TOGARAM2: variants seen among roughly 807,000 people sequenced by gnomAD.
The protein encoded by TOGARAM2 is TOG array regulator of axonemal microtubules protein 2.
TOGARAM2 carries 85 observed loss-of-function variants against 93.3 expected under a neutral mutation model. The ratio of observed to expected loss-of-function variants is 0.91; its 90% CI spans 0.76 to 1.09. The LOEUF is 1.09. Ranked by LOEUF, TOGARAM2 falls within the 50% of genes least tolerant of loss-of-function variation. The pLI is 0.00. For missense variants in TOGARAM2, 1,277 were observed against 1,334.5 expected (o/e 0.96, Z 0.67); for synonymous variants, 593 against 552.8 (o/e 1.07, Z -1.02).
At chr2:29,011,645 C>T in intron 7 of TOGARAM2, 144 bp downstream of exon 7, 3 of 835,942 alleles carry the variant, frequency 3.6e-6, no homozygotes, top group Non-Finnish European at 5.2e-6. Context: ...GCTGAAGTCA[C>T]CGGAGGTCTA....
chr2:28,990,529 G>A (rs1023928045), intron 1 of TOGARAM2, among the ~76,000 whole-genome samples: 2 of 152,126 alleles, frequency 1.3e-5, no homozygotes, highest in African/African-American at 4.8e-5. Flanking sequence ...TCTCCTCCAC[G>A]CTTGCCTTAG....
At chr2:28,969,145 G>A (rs1040348459) in intron 1 of TOGARAM2, among the ~76,000 whole-genome samples, 3 of 152,238 alleles carry the variant, frequency 2.0e-5, no homozygotes, top group African/African-American at 7.2e-5. Context: ...CACCGTGATA[G>A]GCCGTGCAGA....
At chr2:28,960,457 A>C (rs1425454734) in intron 1 of TOGARAM2, among the ~76,000 whole-genome samples, 1 of 152,052 alleles carries the variant, frequency 6.6e-6, no homozygotes, top group African/African-American at 2.4e-5. Flanking sequence ...GTTAATATTC[A>C]GTTTCTTTTC....
At chr2:28,968,510 C>A (rs545896115) in intron 1 of TOGARAM2, among the ~76,000 whole-genome samples, 2 of 152,158 alleles carry the variant, frequency 1.3e-5, no homozygotes, top group South Asian at 4.1e-4. Flanking sequence ...GTCCTTTACA[C>A]CTTTGTCCTT....
At chr2:29,025,104 C>T (rs1196150478) in intron 13 of TOGARAM2, among the ~76,000 whole-genome samples, 6 of 152,192 alleles carry the variant, frequency 3.9e-5, no homozygotes, top group African/African-American at 1.4e-4. Context: ...CCCCAGGGGC[C>T]TGTTGGACCA....
In TOGARAM2 at chr2:29,001,734, C is replaced by T. The variant is rs533100092; in HGVS notation, c.428-802C>T. On this transcript the variant is annotated intron_variant, in intron 4 of 19. Coordinates refer to ENST00000379558, the MANE Select transcript of TOGARAM2 (RefSeq NM_199280.4). ...TCTTGAACTTCTGACCTCCAGTGAT[C>T]CTCCCGTTCTCGGCCTCCCAAAGTG... 1.1e-4 allele frequency among the ~76,000 whole-genome samples: 16 copies of T among 152,310 alleles called. No homozygotes were observed. The South Asian group carries it at 2.5e-3, about 24-fold the overall frequency.
intron 1 of TOGARAM2, among the ~76,000 whole-genome samples, chr2:28,975,103 A>T (rs1672006645): frequency 1.4e-5 from 2 of 147,586 alleles, no homozygotes; most frequent in Non-Finnish European, 3.0e-5. Flanking sequence ...CCTGTGACAG[A>T]TTATGTATTT....
chr2:28,990,961 A>G (rs1442276052), intron 1 of TOGARAM2, among the ~76,000 whole-genome samples: 3 of 137,798 alleles, frequency 2.2e-5, no homozygotes, highest in Non-Finnish European at 3.1e-5. Context: ...GTGTGGGTGT[A>G]TGGACATGCG....
chr2:29,025,627 C>G (rs1385994731), intron 13 of TOGARAM2, among the ~76,000 whole-genome samples: 2 of 152,136 alleles, frequency 1.3e-5, no homozygotes, highest in Non-Finnish European at 2.9e-5. Flanking sequence ...GGTCCATGGA[C>G]CATGCTGAGT....
At chr2:28,986,044 T>A (rs926630532) in intron 1 of TOGARAM2, among the ~76,000 whole-genome samples, 8 of 141,454 alleles carry the variant, frequency 5.7e-5, no homozygotes, top group African/African-American at 2.1e-4. Flanking sequence ...ACCTGGGAGG[T>A]GGAGGTTGCA....
chr2:28,999,743 T>G (rs1673188910), intron 4 of TOGARAM2, among the ~76,000 whole-genome samples: 1 of 152,264 alleles, frequency 6.6e-6, no homozygotes, highest in South Asian at 2.1e-4. Context: ...TAAGCAAATG[T>G]TCTTCCCATT....
chr2:28,973,653 G>C (rs1671985959), intron 1 of TOGARAM2, among the ~76,000 whole-genome samples: 1 of 151,724 alleles, frequency 6.6e-6, no homozygotes, highest in Non-Finnish European at 1.5e-5. Context: ...CTCCCAAGTA[G>C]CTGCGACCAA....
chr2:29,011,492 G>A lies in TOGARAM2; in HGVS notation c.868G>A (p.Ala290Thr), dbSNP rs1664245926. 2.5e-6 allele frequency: 4 copies of A among 1,605,900 alleles called. No homozygotes were observed. Among genetic ancestry groups the A allele is most frequent in the Non-Finnish European group, 3.4e-6 (4 of 1,177,074 alleles). ...GAGTGGGCCTCGGGAGAAGACCCCT[G>A]CATCTCTGGGTACGTATCTTCCATG... is the stretch of plus-strand genomic sequence containing the variant. Reference protein sequence around the residue: ...RGSGPREKTPASLEPKPLASP... With the variant: ...RGSGPREKTPTSLEPKPLASP... The change falls in exon 7 of 20, where the codon GCA (alanine) becomes ACA (threonine). Residue 290 changes from alanine to threonine, a missense_variant. Transcript: ENST00000379558.
Position 29,024,166 on chromosome 2 carries a change from C to T in TOGARAM2, c.1645C>T (p.His549Tyr). 1 of 1,590,378 alleles carries T rather than the reference C, an allele frequency of 6.3e-7. No individual in the cohort carries two copies. Among genetic ancestry groups the T allele is most frequent in the Non-Finnish European group, 8.6e-7 (1 of 1,168,134 alleles). ...EVTNLRSKVS[H>Y]LAISTLGDLF... is the part of the protein sequence containing the mutation. ...CACCAACCTGCGGTCCAAGGTGTCT[C>T]ACCTGGCCATCAGCACCTTGGGAGA... Residue 549 changes from histidine (H) to tyrosine (Y), a missense_variant, in exon 13 of 20, where the codon CAC becomes TAC. His to Tyr is a moderately conservative substitution (Grantham distance 83). Transcript: ENST00000379558.
Position 29,026,945 on chromosome 2 carries a change from G to A in TOGARAM2, c.1946G>A (p.Arg649Lys). Residue 649 changes from arginine (R) to lysine (K), a missense_variant, in exon 14 of 20, where the codon AGA (arginine) becomes AAA (lysine). Coordinates refer to ENST00000379558, the MANE Select transcript of TOGARAM2 (RefSeq NM_199280.4). ...GCTGAGAAGCTTCTCTCGGGCACCA[G>A]AGACAGCACAGACATGTTGGTGCAC... ...IGAEKLLSGT[R>K]DSTDMLVHNL... is the part of the protein sequence containing the mutation. 6 of 1,574,900 alleles carry A rather than the reference G, an allele frequency of 3.8e-6. No individual in the cohort carries two copies. The highest frequency in any genetic ancestry group is 5.2e-6 in the Non-Finnish European group (6 of 1,160,136).
intron 1 of TOGARAM2, among the ~76,000 whole-genome samples, chr2:28,993,429 G>C (rs1421177924): frequency 5.9e-5 from 9 of 152,174 alleles, no homozygotes; most frequent in Non-Finnish European, 1.5e-5. Context: ...CCAATCTCTT[G>C]AGCCTCTTCC....
intron 1 of TOGARAM2, among the ~76,000 whole-genome samples, chr2:28,984,017 A>C (rs1007544052): frequency 6.6e-6 from 1 of 150,972 alleles, no homozygotes; most frequent in African/African-American, 2.4e-5. Flanking sequence ...TTTGAGCCCC[A>C]TTTTTCTCTC....
At chr2:28,981,879 A>G (rs1672211228) in intron 1 of TOGARAM2, among the ~76,000 whole-genome samples, 1 of 152,148 alleles carries the variant, frequency 6.6e-6, no homozygotes, top group Non-Finnish European at 1.5e-5. Context: ...TGAACCCTTC[A>G]CAGGGCAACA....
chr2:29,037,277 C>G (rs1366842843), intron 18 of TOGARAM2, among the ~76,000 whole-genome samples: 1 of 152,150 alleles, frequency 6.6e-6, no homozygotes, highest in African/African-American at 2.4e-5. Context: ...TTTTCTTATT[C>G]CTCTCATGGA....
Sources: gnomAD v4.1 joint callset for allele counts (sites outside exome capture counted in the v4.1 genomes callset) on GRCh38, gnomAD v4.1.1 for gene constraint, MANE v1.5 for transcripts, NCBI Gene and HGNC (gene_info 2026-07-23, HGNC 2026-07-21) for gene names.